The following BRINP3 variants were observed in gnomAD, a reference collection of about 807,000 sequenced individuals.
BRINP3 encodes the protein BMP/retinoic acid-inducible neural-specific protein 3.
A neutral mutation model predicts 71.0 loss-of-function variants in BRINP3; 19 were observed. The ratio of observed to expected loss-of-function variants is 0.27; its 90% confidence interval spans 0.19 to 0.39. BRINP3 has a LOEUF of 0.39. Among genes scored for constraint, BRINP3 ranks in the 10% least tolerant of loss-of-function variants. The pLI is 1.00. For synonymous variants in BRINP3, 380 were observed against 337.7 expected, an observed-to-expected ratio of 1.13 and a Z score of -1.37; for missense variants, 959 against 940.8, an observed-to-expected ratio of 1.02 and a Z score of -0.25.
In BRINP3 at chr1:190,194,464, AACT is replaced by A. The variant is rs1468428406; in HGVS notation, c.961+31615_961+31617del. ...CATCATCTTAATATTATAATAGAAA[AACT>A]ACTGTGAAAATATTAATTCCATTTG... On this transcript the variant is annotated intron_variant, in intron 6 of 7. Transcript: ENST00000367462. Among the ~76,000 whole-genome samples the A allele has an allele frequency of 2.6e-5, 4 of 152,152 alleles. No homozygotes were observed. In the East Asian group the frequency reaches 7.8e-4, roughly 30 times the overall value.
chr1:190,387,982 T>C (rs1671019894), intron 2 of BRINP3, among the ~76,000 whole-genome samples: 2 of 151,886 alleles, frequency 1.3e-5, no homozygotes, highest in South Asian at 4.1e-4. Flanking sequence ...AGCCTTCTTC[T>C]ACATTTATGT....
At chr1:190,454,970 C>A in intron 1 of BRINP3, 30 bp from the exon 2 acceptor site, 1 of 1,061,736 alleles carries the variant, frequency 9.4e-7, no homozygotes, top group South Asian at 1.5e-5. Flanking sequence ...AATTAGTTAA[C>A]TCCTAGAAGA....
intron 2 of BRINP3, among the ~76,000 whole-genome samples, chr1:190,288,578 A>C (rs1021302593): frequency 1.3e-5 from 2 of 151,948 alleles, no homozygotes; most frequent in African/African-American, 4.8e-5. Context: ...CACCTCATCT[A>C]TGATCATGGG....
At chr1:190,296,057 G>T in intron 2 of BRINP3, among the ~76,000 whole-genome samples, 2 of 139,930 alleles carry the variant, frequency 1.4e-5, no homozygotes, top group South Asian at 2.3e-4. Context: ...TTGTTTGTTT[G>T]CTTTTGTGGT....
intron 2 of BRINP3, among the ~76,000 whole-genome samples, chr1:190,450,785 A>T (rs1675554004): frequency 6.6e-6 from 1 of 152,092 alleles, no homozygotes; most frequent in African/African-American, 2.4e-5. Flanking sequence ...TGAAGAAAGG[A>T]TTAAATTTCT....
chr1:190,411,281 C>T (rs2102409168), intron 2 of BRINP3, among the ~76,000 whole-genome samples: 1 of 152,208 alleles, frequency 6.6e-6, no homozygotes, highest in South Asian at 2.1e-4. Flanking sequence ...ATACCTACCT[C>T]ACCCCATAGA....
At chr1:190,276,725 T>A (rs2102917931) in intron 3 of BRINP3, among the ~76,000 whole-genome samples, 1 of 151,624 alleles carries the variant, frequency 6.6e-6, no homozygotes, top group Non-Finnish European at 1.5e-5. Flanking sequence ...TGTATGAAGT[T>A]AATACTATTT....
intron 4 of BRINP3, among the ~76,000 whole-genome samples, chr1:190,263,546 C>G (rs1222527352): frequency 5.3e-5 from 8 of 150,786 alleles, no homozygotes; most frequent in Admixed American, 2.0e-4. Flanking sequence ...TCCGAGCATT[C>G]TAACCCATTT....
At chr1:190,441,125 C>T (rs1445740575) in intron 2 of BRINP3, among the ~76,000 whole-genome samples, 1 of 151,686 alleles carries the variant, frequency 6.6e-6, no homozygotes, top group African/African-American at 2.4e-5. Context: ...CAAATATAAT[C>T]TCCTAATAGA....
chr1:190,235,013 G>T (rs1392699687), intron 4 of BRINP3, among the ~76,000 whole-genome samples: 1 of 152,004 alleles, frequency 6.6e-6, no homozygotes, highest in East Asian at 1.9e-4. Context: ...TCCCTGTTCA[G>T]TTTGACATTC....
chr1:190,267,334 A>G (rs1182449546), intron 3 of BRINP3, among the ~76,000 whole-genome samples: 1 of 152,162 alleles, frequency 6.6e-6, no homozygotes. Flanking sequence ...AAAAGTTAAC[A>G]GAAAATTTAA....
chr1:190,139,294 A>G (rs1187400320), intron 7 of BRINP3, among the ~76,000 whole-genome samples: 1 of 151,794 alleles, frequency 6.6e-6, no homozygotes, highest in Non-Finnish European at 1.5e-5. Context: ...TCTACTAAAA[A>G]TACAAAAATT....
chr1:190,189,555 A>G (rs1235721783), intron 6 of BRINP3, among the ~76,000 whole-genome samples: 3 of 150,636 alleles, frequency 2.0e-5, no homozygotes, highest in Admixed American at 2.0e-4. Context: ...TTTTTTTCAC[A>G]TTTTCATTGT....
At chr1:190,180,893 G>T (rs76607866) in intron 6 of BRINP3, among the ~76,000 whole-genome samples, 1,631 of 151,976 alleles carry the variant, frequency 0.011, 25 homozygotes, top group African/African-American at 0.036. Flanking sequence ...TTTCATCCAG[G>T]TTCTACTAAT....
chr1:190,446,457 TTGG>T (rs1386891903), intron 2 of BRINP3, among the ~76,000 whole-genome samples: 1 of 151,948 alleles, frequency 6.6e-6, no homozygotes, highest in African/African-American at 2.4e-5. Flanking sequence ...AAAAATTAGA[TTGG>T]TGGGGGAAAG....
chr1:190,099,023 C>T lies in BRINP3; in HGVS notation c.1296G>A (p.Gln432=), dbSNP rs2102235009. 6.2e-7 allele frequency: 1 copy of T among 1,614,164 alleles called. No individual in the cohort carries two copies. Among genetic ancestry groups the T allele is most frequent in the Non-Finnish European group, 8.5e-7 (1 of 1,180,032 alleles). Residue 432 remains glutamine, a synonymous_variant, in exon 8 of 8, where the codon CAG becomes CAA. Coordinates refer to ENST00000367462, the MANE Select transcript of BRINP3 (RefSeq NM_199051.3). Reference sequence around the variant, plus strand: ...AGGGCAGGAACGCGGTGCAGACCACCTGGTCATTCGGACACGTGCACGAGT... The same window carrying T: ...AGGGCAGGAACGCGGTGCAGACCACTTGGTCATTCGGACACGTGCACGAGT... ...ETHSCTCPND[Q]VVCTAFLPCT...
intron 2 of BRINP3, among the ~76,000 whole-genome samples, chr1:190,450,335 T>G (rs1446381027): frequency 6.6e-6 from 1 of 152,206 alleles, no homozygotes; most frequent in Non-Finnish European, 1.5e-5. Context: ...TTTGCTAGTC[T>G]TATAACTTTT....
intron 2 of BRINP3, among the ~76,000 whole-genome samples, chr1:190,317,908 A>G: frequency 6.6e-6 from 1 of 152,140 alleles, no homozygotes; most frequent in East Asian, 1.9e-4. Context: ...AAATAAATTT[A>G]TCTGTTACAT....
intron 2 of BRINP3, among the ~76,000 whole-genome samples, chr1:190,336,211 C>T (rs1467783183): frequency 6.6e-6 from 1 of 151,976 alleles, no homozygotes; most frequent in Non-Finnish European, 1.5e-5. Flanking sequence ...AAATGCCTAA[C>T]AGTTCTATTT....
Sources: gnomAD v4.1 joint callset for allele counts (sites outside exome capture counted in the v4.1 genomes callset) on GRCh38, gnomAD v4.1.1 for gene constraint, MANE v1.5 for transcripts, NCBI Gene and HGNC (gene_info 2026-07-23, HGNC 2026-07-21) for gene names.